PRICKLE2: variants seen among roughly 807,000 people sequenced by gnomAD.
PRICKLE2 encodes prickle planar cell polarity protein 2.
PRICKLE2 carries 21 observed loss-of-function variants against 81.4 expected under a neutral mutation model. The observed-to-expected ratio is 0.26, with a 90% CI of 0.18 to 0.37. PRICKLE2 has a LOEUF of 0.37. Ranked by LOEUF, PRICKLE2 falls within the 10% of genes least tolerant of loss-of-function variation. The pLI, the probability that PRICKLE2 is intolerant of heterozygous loss-of-function variation, is 1.00. For missense variants in PRICKLE2, 940 were observed against 1,109.0 expected (o/e 0.85, Z 2.16); for synonymous variants, 456 against 421.5 (o/e 1.08, Z -1.00).
intron 2 of PRICKLE2, among the ~76,000 whole-genome samples, chr3:64,173,757 A>T (rs2077973513): frequency 6.6e-6 from 1 of 152,248 alleles, no homozygotes; most frequent in Non-Finnish European, 1.5e-5. Flanking sequence ...CGGTCCCAGC[A>T]AATCACACAT....
chr3:64,122,636 C>T (rs1394757871), intron 7 of PRICKLE2, among the ~76,000 whole-genome samples: 1 of 152,170 alleles, frequency 6.6e-6, no homozygotes, highest in Non-Finnish European at 1.5e-5. Flanking sequence ...TTAGGTAACT[C>T]TGCCTTGTCA....
intron 7 of PRICKLE2, among the ~76,000 whole-genome samples, chr3:64,112,113 G>A (rs890718004): frequency 1.3e-5 from 2 of 151,984 alleles, no homozygotes; most frequent in Admixed American, 6.6e-5. Flanking sequence ...TAATCTCAAG[G>A]GTTAAATTTC....
Position 64,095,659 on chromosome 3 carries a change from AT to A in PRICKLE2, c.*3391del, listed in dbSNP as rs1340828781. On this transcript the variant is annotated 3_prime_UTR_variant, in exon 8 of 8. Transcript: ENST00000638394. ...AGAAGGAAGAAAACATAATCTTGTT[AT>A]AGTGCAGGAACATCCTACAGGAAAT... 1 of 152,244 alleles carries A rather than the reference AT, an allele frequency of 6.6e-6. No homozygotes were observed. The highest frequency in any genetic ancestry group is 1.5e-5 in the Non-Finnish European group (1 of 68,058). 9.4% of individuals were successfully genotyped at this position (152,244 alleles called of 1,614,324 possible). A position where few individuals can be genotyped will look rare whatever the true frequency, so the allele number is the denominator to read the frequency against.
In PRICKLE2 at chr3:64,094,788, A is replaced by T. The variant is rs568186052; in HGVS notation, c.*4263T>A. On this transcript the variant is annotated 3_prime_UTR_variant, in exon 8 of 8. Coordinates refer to ENST00000638394, the MANE Select transcript of PRICKLE2 (RefSeq NM_198859.4). The stretch of plus-strand genomic sequence containing the variant: ...GGCCATTTCTACTTCTCTTGTGCTT[A>T]AAGAAATGTACCTCAAAAGGTGGCG... 4 of 152,796 alleles carry T rather than the reference A, an allele frequency of 2.6e-5. No homozygotes were observed. Among genetic ancestry groups the T allele is most frequent in the African/African-American group, 9.6e-5 (4 of 41,590 alleles). The allele number at this position is 152,796 out of a possible 1,614,324, so 9.5% of individuals were successfully genotyped here.
intron 7 of PRICKLE2, among the ~76,000 whole-genome samples, chr3:64,120,903 C>T (rs555427620): frequency 3.3e-5 from 5 of 152,274 alleles, no homozygotes; most frequent in East Asian, 3.9e-4. Context: ...GAAGCTGCCA[C>T]GAACCCATTA....
intron 2 of PRICKLE2, among the ~76,000 whole-genome samples, chr3:64,253,281 T>C (rs1461560818): frequency 6.6e-6 from 1 of 152,214 alleles, no homozygotes; most frequent in Non-Finnish European, 1.5e-5. Context: ...GCAGTCTAAG[T>C]AATCCATTCT....
chr3:64,224,922 T>C lies in PRICKLE2; in HGVS notation c.-53A>G, dbSNP rs1413027461. Reference sequence around the variant, plus strand: ...ATTTCTTACCCACCTCCAGGGAGGATGAAATGCCCAGTCTCGGAGGAAGCT... The same window carrying C: ...ATTTCTTACCCACCTCCAGGGAGGACGAAATGCCCAGTCTCGGAGGAAGCT... On this transcript the variant is annotated 5_prime_UTR_variant, in exon 1 of 8. Coordinates refer to ENST00000638394, the MANE Select transcript of PRICKLE2 (RefSeq NM_198859.4). The C allele has an allele frequency of 6.1e-6, 6 of 985,194 alleles. No homozygotes were observed. The highest frequency in any genetic ancestry group is 2.4e-6 in the Non-Finnish European group (2 of 829,924). The allele number at this position is 985,194 out of a possible 1,614,324, so 61.0% of individuals were successfully genotyped here. A position where few individuals can be genotyped will look rare whatever the true frequency, so the allele number is the denominator to read the frequency against.
At chr3:64,149,528 G>A (rs559035420) in intron 6 of PRICKLE2, among the ~76,000 whole-genome samples, 1 of 152,314 alleles carries the variant, frequency 6.6e-6, no homozygotes, top group African/African-American at 2.4e-5. Flanking sequence ...TGACTGTAGG[G>A]TGGACCAGGA....
intron 2 of PRICKLE2, among the ~76,000 whole-genome samples, chr3:64,178,963 T>C (rs900801649): frequency 1.8e-5 from 2 of 110,994 alleles, no homozygotes; most frequent in East Asian, 2.7e-4. Context: ...AACATACATA[T>C]TTTCTTTCTT....
chr3:64,144,675 G>T (rs2077416351), intron 7 of PRICKLE2, among the ~76,000 whole-genome samples: 3 of 152,216 alleles, frequency 2.0e-5, no homozygotes, highest in Non-Finnish European at 4.4e-5. Context: ...CTCTTCTCAA[G>T]CTATCAGTGG....
intron 2 of PRICKLE2, chr3:64,174,895 G>A (rs565446685): frequency 7.8e-4 from 164 of 211,010 alleles, no homozygotes; most frequent in Non-Finnish European, 1.2e-3. Flanking sequence ...CTGAGACTAT[G>A]GTGTGCTGTT....
intron 1 of PRICKLE2, chr3:64,199,525 T>G (rs564620069): frequency 6.5e-6 from 1 of 154,430 alleles, no homozygotes; most frequent in African/African-American, 2.4e-5. Flanking sequence ...TATCTGGCCC[T>G]AAGATCTCAT....
intron 4 of PRICKLE2, among the ~76,000 whole-genome samples, chr3:64,159,680 A>G (rs910195841): frequency 2.0e-5 from 3 of 151,732 alleles, no homozygotes; most frequent in Non-Finnish European, 4.4e-5. Context: ...CTTCCTTAAA[A>G]CTGCAGCCTC....
intron 2 of PRICKLE2, among the ~76,000 whole-genome samples, chr3:64,181,393 T>C (rs1391447874): frequency 6.6e-6 from 1 of 152,164 alleles, no homozygotes; most frequent in African/African-American, 2.4e-5. Flanking sequence ...ACAACGCTCA[T>C]CCTCTTGCTA....
intron 2 of PRICKLE2, among the ~76,000 whole-genome samples, chr3:64,189,526 A>G (rs2078294928): frequency 6.6e-6 from 1 of 152,170 alleles, no homozygotes; most frequent in African/African-American, 2.4e-5. Context: ...GAGTCAGACA[A>G]ATGGCTGGTT....
At chr3:64,101,725 G>C (rs749653565) in intron 7 of PRICKLE2, 1 of 152,186 alleles carries the variant, frequency 6.6e-6, no homozygotes, top group Non-Finnish European at 1.5e-5. Flanking sequence ...AAGAAGGAAG[G>C]GGGTGCCAGA....
chr3:64,203,009 T>A (rs898495609), intron 1 of PRICKLE2, among the ~76,000 whole-genome samples: 2 of 152,248 alleles, frequency 1.3e-5, no homozygotes, highest in African/African-American at 2.4e-5. Context: ...TCTGCATCTA[T>A]CAAGATGATT....
chr3:64,237,111 G>T (rs2079193837), intron 2 of PRICKLE2, among the ~76,000 whole-genome samples: 1 of 152,164 alleles, frequency 6.6e-6, no homozygotes. Context: ...CAATCGGCAG[G>T]AGGAGAACTC....
At chr3:64,148,848 G>A (rs1338873477) in intron 6 of PRICKLE2, among the ~76,000 whole-genome samples, 1 of 152,188 alleles carries the variant, frequency 6.6e-6, no homozygotes, top group Non-Finnish European at 1.5e-5. Context: ...CCAGCTTTCA[G>A]AACTGTCAGC....
Sources: allele counts gnomAD v4.1 joint callset (sites outside exome capture counted in the v4.1 genomes callset), GRCh38; gene constraint gnomAD v4.1.1; transcripts MANE v1.5; gene names NCBI Gene and HGNC (gene_info 2026-07-23, HGNC 2026-07-21).